The following CUX1 variants were observed in gnomAD, a reference collection of about 807,000 sequenced individuals.
The protein encoded by CUX1 is protein CASP.
Under a neutral mutation model 158.8 loss-of-function variants are expected in CUX1, and 31 were observed. The ratio of observed to expected loss-of-function variants is 0.20; its 90% confidence interval spans 0.15 to 0.26. The LOEUF is 0.26. Among genes scored for constraint, CUX1 ranks in the 10% least tolerant of loss-of-function variants. CUX1 has a pLI of 1.00. For synonymous variants in CUX1, 879 were observed against 862.1 expected (o/e 1.02, Z -0.34); for missense variants, 1,589 against 2,014.6 (o/e 0.79, Z 4.04).
chr7:101,974,527 A>G (rs556898176), intron 2 of CUX1, among the ~76,000 whole-genome samples: 1 of 152,330 alleles, frequency 6.6e-6, no homozygotes, highest in South Asian at 2.1e-4. Context: ...CAGCGCTGGG[A>G]AACATCACAG....
intron 1 of CUX1, among the ~76,000 whole-genome samples, chr7:101,905,637 A>G (rs1175254264): frequency 6.6e-6 from 1 of 152,178 alleles, no homozygotes; most frequent in African/African-American, 2.4e-5. Context: ...TGAGAAAACC[A>G]CACCATAAAT....
chr7:102,180,919 G>GTAGTT (rs1701676773), intron 11 of CUX1, among the ~76,000 whole-genome samples: 1 of 51,540 alleles, frequency 1.9e-5, no homozygotes, highest in Non-Finnish European at 3.9e-5. Flanking sequence ...TTATTTTATT[G>GTAGTT]TATTTTATTT....
At chr7:102,121,912 A>G (rs1306831830) in intron 8 of CUX1, among the ~76,000 whole-genome samples, 1 of 152,072 alleles carries the variant, frequency 6.6e-6, no homozygotes, top group Non-Finnish European at 1.5e-5. Context: ...TAGTCAGGTG[A>G]AGGCAGGCGT....
chr7:101,939,886 GC>G, intron 2 of CUX1, among the ~76,000 whole-genome samples: 1 of 152,188 alleles, frequency 6.6e-6, no homozygotes, highest in South Asian at 2.1e-4. Flanking sequence ...TTCAAGACCA[GC>G]CTGACCGACA....
At position 102,248,834 on chromosome 7, in the gene CUX1, C is replaced by T. The variant is rs1801131824; in HGVS notation, c.4310C>T (p.Ser1437Phe). Residue 1437 changes from serine to phenylalanine, a missense_variant, in exon 24 of 24, where the codon TCC (serine) becomes TTC (phenylalanine). This residue lies in a region of CUX1 where 344 missense variants were observed against 323.7 expected (regional missense o/e 1.06). Transcript: ENST00000292535. The surrounding 1 kb of genome is among the most constrained non-coding windows in gnomAD (Gnocchi z 5.8). Reference protein sequence around the residue: ...APGEGPAAPSSAPPPSNSSSS... With the variant: ...APGEGPAAPSFAPPPSNSSSS... ...GGGGAGGGCCCCGCGGCCCCGAGCT[C>T]CGCGCCGCCGCCCAGCAACAGCAGC... is the stretch of plus-strand genomic sequence containing the variant. 4 of 1,209,254 alleles carry T rather than the reference C, an allele frequency of 3.3e-6. No individual in the cohort carries two copies. The highest frequency in any genetic ancestry group is 4.1e-6 in the Non-Finnish European group (4 of 967,792). The allele number at this position is 1,209,254 out of a possible 1,614,324, so 74.9% of individuals were successfully genotyped here. A position where few individuals can be genotyped will look rare whatever the true frequency, so the allele number is the denominator to read the frequency against.
At chr7:102,195,869 C>T (rs1417217590) in intron 14 of CUX1, among the ~76,000 whole-genome samples, 2 of 152,188 alleles carry the variant, frequency 1.3e-5, no homozygotes, top group African/African-American at 4.8e-5. Flanking sequence ...CTGGAATCCC[C>T]GGGAGGGACA....
At chr7:101,909,075 C>T (rs962415732) in intron 1 of CUX1, among the ~76,000 whole-genome samples, 4 of 148,822 alleles carry the variant, frequency 2.7e-5, no homozygotes, top group Non-Finnish European at 5.9e-5. Context: ...ACAAGAGGAT[C>T]GCTTGAGCCC....
intron 18 of CUX1, among the ~76,000 whole-genome samples, chr7:102,203,487 G>A (rs1795658085): frequency 1.3e-5 from 2 of 152,202 alleles, no homozygotes; most frequent in African/African-American, 2.4e-5. Context: ...AAAGGTGAAG[G>A]GGGGCGACTA....
At chr7:101,932,739 C>G in intron 2 of CUX1, 2 of 387,298 alleles carry the variant, frequency 5.2e-6, no homozygotes, top group Non-Finnish European at 1.1e-5. Flanking sequence ...GATTGCTTTG[C>G]CGCCATCAAG....
At chr7:102,144,474 T>C (rs1363402250) in intron 8 of CUX1, among the ~76,000 whole-genome samples, 1 of 152,092 alleles carries the variant, frequency 6.6e-6, no homozygotes, top group Non-Finnish European at 1.5e-5. Context: ...TTAACACACA[T>C]ATCCTCACAA....
At chr7:101,994,088 C>T (rs1321154826) in intron 2 of CUX1, among the ~76,000 whole-genome samples, 3 of 152,192 alleles carry the variant, frequency 2.0e-5, no homozygotes, top group Non-Finnish European at 2.9e-5. Flanking sequence ...CAGCCAAGCC[C>T]AAGAGTGGCC....
At chr7:101,986,837 C>T (rs1213696956) in intron 2 of CUX1, among the ~76,000 whole-genome samples, 7 of 152,172 alleles carry the variant, frequency 4.6e-5, no homozygotes, top group Non-Finnish European at 8.8e-5. Context: ...TAGAATGTTC[C>T]TTCTCCAACT....
intron 3 of CUX1, among the ~76,000 whole-genome samples, chr7:102,041,783 T>G (rs188068155): frequency 2.7e-4 from 40 of 149,992 alleles, no homozygotes; most frequent in African/African-American, 9.8e-4. Flanking sequence ...TTCTCCTGCC[T>G]CAGCCTCCCA....
chr7:102,071,290 T>C (rs1180598771), intron 4 of CUX1, among the ~76,000 whole-genome samples: 1 of 152,118 alleles, frequency 6.6e-6, no homozygotes, highest in Non-Finnish European at 1.5e-5. Flanking sequence ...GATTGAAGAA[T>C]TAAAATTTAA....
intron 3 of CUX1, among the ~76,000 whole-genome samples, chr7:102,031,861 T>C (rs1354924159): frequency 6.6e-6 from 1 of 152,066 alleles, no homozygotes; most frequent in African/African-American, 2.4e-5. Context: ...TGTTTGCACA[T>C]TAAATCTCTA....
chr7:102,085,860 G>A lies in CUX1; in HGVS notation c.269-11504G>A, dbSNP rs532200001. ...TGTATAAGATTGCAGTTATTTTTTC[G>A]TAAAATTCAATTCATCAGTGTTGCC... On this transcript the variant is annotated intron_variant, in intron 4 of 23. Coordinates refer to ENST00000292535, the MANE Select transcript of CUX1 (RefSeq NM_181552.4). 7.2e-5 allele frequency among the ~76,000 whole-genome samples: 11 copies of A among 151,976 alleles called. No homozygotes were observed. The South Asian group carries it at 8.3e-4, about 11-fold the overall frequency.
chr7:101,979,735 C>T (rs1813178405), intron 2 of CUX1, among the ~76,000 whole-genome samples: 1 of 152,124 alleles, frequency 6.6e-6, no homozygotes, highest in Non-Finnish European at 1.5e-5. Context: ...CTGCAACCTC[C>T]ACCTCCTGAG....
chr7:102,150,138 T>G (rs1835473655), intron 8 of CUX1, among the ~76,000 whole-genome samples: 1 of 152,130 alleles, frequency 6.6e-6, no homozygotes, highest in Non-Finnish European at 1.5e-5. Context: ...TGGTGGGTTT[T>G]TTTTGTTTTC....
At chr7:101,845,879 A>T (rs890241910) in intron 1 of CUX1, among the ~76,000 whole-genome samples, 2 of 152,138 alleles carry the variant, frequency 1.3e-5, no homozygotes, top group African/African-American at 4.8e-5. Context: ...GCAGTGGCAC[A>T]TGCATGTAAT....
Sources: gnomAD v4.1 joint callset for allele counts (sites outside exome capture counted in the v4.1 genomes callset) on GRCh38, gnomAD v4.1.1 for gene constraint, gnomAD v4.1.1 regional missense constraint, Gnocchi (gnomAD v3.1) non-coding constraint, MANE v1.5 for transcripts, NCBI Gene and HGNC (gene_info 2026-07-23, HGNC 2026-07-21) for gene names.